NREP: variants seen among roughly 807,000 people sequenced by gnomAD.
The protein encoded by NREP is neuronal regeneration-related protein.
A neutral mutation model predicts 8.6 loss-of-function variants in NREP; 5 were observed. That is an observed-to-expected ratio of 0.58 (90% CI 0.30 to 1.22). The LOEUF is 1.22. Ranked by LOEUF, NREP falls within the 50% of genes most tolerant of loss-of-function variation. NREP has a pLI of 0.07. For missense variants in NREP, 86 were observed against 82.5 expected (o/e 1.04, Z -0.17); for synonymous variants, 27 against 28.0 (o/e 0.96, Z 0.11).
intron 2 of NREP, among the ~76,000 whole-genome samples, chr5:111,866,401 C>T (rs983454565): frequency 2.0e-5 from 3 of 152,180 alleles, no homozygotes; most frequent in African/African-American, 7.2e-5. Context: ...AAAAAATGTT[C>T]ATCATCACTG....
At chr5:111,776,999 G>GGAT (rs1474155054) in intron 2 of NREP, among the ~76,000 whole-genome samples, 3 of 117,382 alleles carry the variant, frequency 2.6e-5, no homozygotes, top group Non-Finnish European at 3.6e-5. Context: ...ATGAGGAGGA[G>GGAT]GAGGAGGAAG....
chr5:111,824,163 G>C (rs373192428), intron 2 of NREP, among the ~76,000 whole-genome samples: 2 of 152,194 alleles, frequency 1.3e-5, no homozygotes, highest in African/African-American at 2.4e-5. Context: ...GAGGTCAGGA[G>C]ATCAAGGCCA....
At chr5:111,908,021 G>A (rs773975799) in intron 2 of NREP, among the ~76,000 whole-genome samples, 1 of 152,024 alleles carries the variant, frequency 6.6e-6, no homozygotes, top group Non-Finnish European at 1.5e-5. Flanking sequence ...ACAACAGTAA[G>A]CTAGGAAATT....
chr5:111,886,191 C>T (rs994341205), intron 2 of NREP, among the ~76,000 whole-genome samples: 12 of 152,302 alleles, frequency 7.9e-5, no homozygotes, highest in Non-Finnish European at 7.3e-5. Flanking sequence ...CAAAAGAAGA[C>T]ATTTATGCAG....
intron 1 of NREP, chr5:111,976,566 A>G: frequency 1.6e-6 from 1 of 632,598 alleles, no homozygotes; most frequent in Non-Finnish European, 2.8e-6. Flanking sequence ...TTGTATTCAT[A>G]AACAGAGTCA....
intron 2 of NREP, among the ~76,000 whole-genome samples, chr5:111,933,192 A>G (rs1002729631): frequency 2.6e-5 from 4 of 151,936 alleles, no homozygotes; most frequent in African/African-American, 4.8e-5. Context: ...AGGAACCCCA[A>G]TTTCTCTCTC....
chr5:111,877,709 T>G (rs1420772285), intron 2 of NREP, among the ~76,000 whole-genome samples: 1 of 152,224 alleles, frequency 6.6e-6, no homozygotes, highest in Admixed American at 6.5e-5. Flanking sequence ...CTTTGTTCCA[T>G]TTATCACTCT....
At chr5:111,757,522 T>C (rs1420163105), upstream of NREP, 1 of 984,730 alleles carries the variant, frequency 1.0e-6, no homozygotes, top group African/African-American at 1.7e-5. Flanking sequence ...GCCCCAGCCT[T>C]GCTGCCACTG....
upstream of NREP, among the ~76,000 whole-genome samples, chr5:111,759,181 G>A (rs1750899372): frequency 6.6e-6 from 1 of 152,108 alleles, no homozygotes; most frequent in Non-Finnish European, 1.5e-5. Context: ...GCTGCTCAAG[G>A]GCACCTCAAC....
chr5:111,759,753 T>C (rs1266882767), upstream of NREP, among the ~76,000 whole-genome samples: 1 of 152,210 alleles, frequency 6.6e-6, no homozygotes, highest in Non-Finnish European at 1.5e-5. Flanking sequence ...ACTCATGCCA[T>C]GTCACCTCAC....
At chr5:111,968,645 G>T (rs1404779998) in intron 2 of NREP, among the ~76,000 whole-genome samples, 3 of 152,088 alleles carry the variant, frequency 2.0e-5, no homozygotes, top group Non-Finnish European at 4.4e-5. Flanking sequence ...ATGTCCTATG[G>T]CCAAAAACTG....
chr5:111,729,823 C>T lies in NREP; in HGVS notation c.*1098G>A, dbSNP rs984008379. 4.6e-5 allele frequency: 7 copies of T among 152,582 alleles called. No homozygotes were observed. The highest frequency in any genetic ancestry group is 1.7e-4 in the African/African-American group (7 of 41,432). 9.5% of individuals were successfully genotyped at this position (152,582 alleles called of 1,614,324 possible). On this transcript the variant is annotated 3_prime_UTR_variant, in exon 4 of 4. Transcript: ENST00000257435. ...AATTGCCGAAAAAAGAATGCTCTGC[C>T]TTTTAAAAAAGTATCATGATTTTGT...
chr5:111,854,124 C>T (rs1727243303), intron 2 of NREP, among the ~76,000 whole-genome samples: 1 of 151,782 alleles, frequency 6.6e-6, no homozygotes, highest in African/African-American at 2.4e-5. Flanking sequence ...AAACAAAAAT[C>T]CAAGCCACCC....
At chr5:111,757,709 G>T, upstream of NREP, 4 of 984,578 alleles carry the variant, frequency 4.1e-6, no homozygotes, top group Non-Finnish European at 4.8e-6. Context: ...AAGCGGACCC[G>T]CAGCTCTGCG....
chr5:111,926,929 C>T (rs1221440957), intron 2 of NREP, among the ~76,000 whole-genome samples: 2 of 151,440 alleles, frequency 1.3e-5, no homozygotes, highest in African/African-American at 2.4e-5. Flanking sequence ...GTGGGTCAGG[C>T]AGGAATAGTC....
intron 2 of NREP, among the ~76,000 whole-genome samples, chr5:111,788,814 T>A (rs532211307): frequency 6.5e-4 from 99 of 152,324 alleles, no homozygotes; most frequent in African/African-American, 2.3e-3. Flanking sequence ...GAGATTAGCA[T>A]TTAAATCCAT....
chr5:111,810,383 G>C (rs889642224), intron 2 of NREP, among the ~76,000 whole-genome samples: 3 of 152,144 alleles, frequency 2.0e-5, no homozygotes, highest in African/African-American at 4.8e-5. Context: ...CCAGTTCCTG[G>C]GCCATGAGCC....
At chr5:111,887,728 C>T (rs1230349598) in intron 2 of NREP, among the ~76,000 whole-genome samples, 1 of 152,184 alleles carries the variant, frequency 6.6e-6, no homozygotes, top group Non-Finnish European at 1.5e-5. Context: ...CCAGGAAACT[C>T]GAACTTTAAA....
At chr5:111,953,123 A>C (rs1756212044) in intron 2 of NREP, among the ~76,000 whole-genome samples, 1 of 151,968 alleles carries the variant, frequency 6.6e-6, no homozygotes, top group African/African-American at 2.4e-5. Context: ...ACTTTCTCTC[A>C]TGTTGTTATT....
Sources: allele counts gnomAD v4.1 joint callset (sites outside exome capture counted in the v4.1 genomes callset), GRCh38; gene constraint gnomAD v4.1.1; transcripts MANE v1.5; gene names NCBI Gene and HGNC (gene_info 2026-07-23, HGNC 2026-07-21).